Variants in ETFA observed in about 807,000 individuals in gnomAD.
ETFA encodes electron transfer flavoprotein subunit alpha.
Under a neutral mutation model 46.2 loss-of-function variants are expected in ETFA, and 22 were observed. That is an observed-to-expected ratio of 0.48 (90% CI 0.34 to 0.68). ETFA has a LOEUF of 0.68. Among genes scored for constraint, ETFA ranks in the 30% least tolerant of loss-of-function variants. The pLI, the probability that ETFA is intolerant of heterozygous loss-of-function variation, is 0.01. For missense variants in ETFA, 345 were observed against 401.1 expected (o/e 0.86, Z 1.19); for synonymous variants, 131 against 139.9 (o/e 0.94, Z 0.45).
chr15:76,288,668 T>C (rs2039724404), intron 4 of ETFA, among the ~76,000 whole-genome samples: 1 of 146,624 alleles, frequency 6.8e-6, no homozygotes, highest in Non-Finnish European at 1.5e-5. Flanking sequence ...GCTGAGATAG[T>C]ACCACCACAC....
chr15:76,230,984 A>G, intron 10 of ETFA: 1 of 235,734 alleles, frequency 4.2e-6, no homozygotes, highest in Non-Finnish European at 8.4e-6. Context: ...TTTAAGTCTG[A>G]TATTTTCTAT....
chr15:76,256,788 T>C (rs2039349125), intron 9 of ETFA, among the ~76,000 whole-genome samples: 1 of 152,238 alleles, frequency 6.6e-6, no homozygotes, highest in South Asian at 2.1e-4. Flanking sequence ...AGTGATGTCA[T>C]AGACATTGTA....
rs150383725 is a variant in ETFA at position 76,266,631 on chromosome 15, C to T, written c.816+7781G>A. ...CAAAAAGTTCAAATTTGGCCGGGTG[C>T]GGTGACTCATGCCTGTAATCCCAGC... On this transcript the variant is annotated intron_variant, in intron 9 of 11. Coordinates refer to ENST00000557943, the MANE Select transcript of ETFA (RefSeq NM_000126.4). Among the ~76,000 whole-genome samples the T allele has an allele frequency of 5.3e-3, 807 of 152,210 alleles. 8 individuals are homozygous for T. Among genetic ancestry groups the T allele is most frequent in the African/African-American group, 0.018 (733 of 41,536 alleles).
intron 9 of ETFA, among the ~76,000 whole-genome samples, chr15:76,271,736 A>AC (rs1381559646): frequency 6.6e-6 from 1 of 152,198 alleles, no homozygotes; most frequent in Non-Finnish European, 1.5e-5. Context: ...GGGGATGATC[A>AC]CAGCAACTTA....
At chr15:76,292,592 A>C (rs763089864) in intron 3 of ETFA, 27 bp downstream of exon 3, 1 of 1,596,352 alleles carries the variant, frequency 6.3e-7, no homozygotes, top group Non-Finnish European at 8.6e-7. Flanking sequence ...TTTAGACACT[A>C]CATTTTTTTC....
chr15:76,234,538 C>T (rs1219149683), intron 9 of ETFA, among the ~76,000 whole-genome samples: 1 of 152,014 alleles, frequency 6.6e-6, no homozygotes, highest in Non-Finnish European at 1.5e-5. Context: ...CCAGGGAGTA[C>T]AGCAATTAAG....
At chr15:76,270,508 T>C (rs1463531963) in intron 9 of ETFA, among the ~76,000 whole-genome samples, 1 of 152,154 alleles carries the variant, frequency 6.6e-6, no homozygotes, top group Non-Finnish European at 1.5e-5. Flanking sequence ...CCCACACACA[T>C]TCTCTAGCTT....
At chr15:76,219,705 A>G (rs2038939487) in intron 11 of ETFA, among the ~76,000 whole-genome samples, 1 of 152,258 alleles carries the variant, frequency 6.6e-6, no homozygotes, top group Admixed American at 6.5e-5. Flanking sequence ...CGAGTGGCCA[A>G]TGAACATCTT....
chr15:76,296,840 A>C (rs1487779304), intron 1 of ETFA, among the ~76,000 whole-genome samples: 1 of 152,242 alleles, frequency 6.6e-6, no homozygotes, highest in African/African-American at 2.4e-5. Context: ...ACAATTATAA[A>C]ATAGAACAGT....
Position 76,260,038 on chromosome 15 carries a change from A to G in ETFA, c.816+14374T>C. 2.0e-6 allele frequency: 3 copies of G among 1,481,368 alleles called. No individual in the cohort carries two copies. The Admixed American group carries it at 5.0e-5, about 25-fold the overall frequency. The allele number at this position is 1,481,368 out of a possible 1,614,324, so 91.8% of individuals were successfully genotyped here. On this transcript the variant is annotated intron_variant, in intron 9 of 11. Transcript: ENST00000557943. The stretch of plus-strand genomic sequence containing the variant: ...GAACTCTTCAATGTCACTTGAGGCA[A>G]TGAGATCAGCTTTCAGCATCTTCAT...
At chr15:76,235,823 C>T (rs192811456) in intron 9 of ETFA, among the ~76,000 whole-genome samples, 1 of 152,208 alleles carries the variant, frequency 6.6e-6, no homozygotes, top group South Asian at 2.1e-4. Context: ...GGGACAATAT[C>T]TTTACCTTCT....
intron 1 of ETFA, among the ~76,000 whole-genome samples, chr15:76,309,202 C>T (rs1167215209): frequency 6.6e-6 from 1 of 152,198 alleles, no homozygotes; most frequent in Non-Finnish European, 1.5e-5. Flanking sequence ...GTAATCCCAG[C>T]ACTTTGGGAG....
intron 10 of ETFA, among the ~76,000 whole-genome samples, chr15:76,227,004 T>G (rs1441192782): frequency 6.6e-6 from 1 of 152,238 alleles, no homozygotes; most frequent in Non-Finnish European, 1.5e-5. Flanking sequence ...TAAACAGCTT[T>G]AAGTCCTTAT....
At chr15:76,289,826 T>C (rs1004837916) in intron 4 of ETFA, among the ~76,000 whole-genome samples, 12 of 152,214 alleles carry the variant, frequency 7.9e-5, no homozygotes, top group Admixed American at 1.3e-4. Flanking sequence ...GCTACTATTA[T>C]GTGACCCTTA....
chr15:76,234,987 A>C (rs1262079706), intron 9 of ETFA, among the ~76,000 whole-genome samples: 1 of 152,194 alleles, frequency 6.6e-6, no homozygotes, highest in Non-Finnish European at 1.5e-5. Flanking sequence ...GCGGTTTAAC[A>C]GGTTTACCGT....
intron 8 of ETFA, among the ~76,000 whole-genome samples, chr15:76,279,186 A>G (rs1596215103): frequency 1.3e-5 from 2 of 152,338 alleles, no homozygotes; most frequent in South Asian, 4.1e-4. Flanking sequence ...CCTTTTCATT[A>G]AAATATAACC....
intron 9 of ETFA, among the ~76,000 whole-genome samples, chr15:76,246,186 C>A (rs1596197552): frequency 6.6e-6 from 1 of 152,102 alleles, no homozygotes; most frequent in African/African-American, 2.4e-5. Flanking sequence ...TCTTTAAAAT[C>A]ATTTAATCTT....
chr15:76,306,267 C>CTTTTTTTTTTTTTTTT lies in ETFA; in HGVS notation c.39+5067_39+5082dup, dbSNP rs35290919. 2.8e-4 allele frequency among the ~76,000 whole-genome samples: 31 copies of CTTTTTTTTTTTTTTTT among 109,480 alleles called. 1 individual carries two copies. Among genetic ancestry groups the CTTTTTTTTTTTTTTTT allele is most frequent in the East Asian group, 1.0e-3 (3 of 2,868 alleles). 71.8% of individuals were successfully genotyped at this position (109,480 alleles called of 152,430 possible). Reference sequence around the variant, plus strand: ...AGGGCAGGGGAGGGTTTTTTTGCTTCTTTTTTTTTTTTTTTTTGAGACAGA... The same window carrying CTTTTTTTTTTTTTTTT: ...AGGGCAGGGGAGGGTTTTTTTGCTTCTTTTTTTTTTTTTTTTTTTTTTTTTTTTTTTTTGAGACAGA... On this transcript the variant is annotated intron_variant, in intron 1 of 11. Transcript: ENST00000557943.
At chr15:76,286,326 A>T (rs1336656698) in intron 6 of ETFA, 45 bp downstream of exon 6, 7 of 1,120,872 alleles carry the variant, frequency 6.2e-6, no homozygotes, top group African/African-American at 4.6e-5. Flanking sequence ...TCTATGAATT[A>T]AAAAAGTAAG....
Sources: allele counts gnomAD v4.1 joint callset (sites outside exome capture counted in the v4.1 genomes callset), GRCh38; gene constraint gnomAD v4.1.1; transcripts MANE v1.5; gene names NCBI Gene and HGNC (gene_info 2026-07-23, HGNC 2026-07-21).